The following TTC19 variants were observed in gnomAD, a reference collection of about 807,000 sequenced individuals.
TTC19 encodes the protein tetratricopeptide repeat domain 19.
A neutral mutation model predicts 49.5 loss-of-function variants in TTC19; 38 were observed. The observed-to-expected ratio is 0.77, with a 90% confidence interval of 0.59 to 1.01. The LOEUF (loss-of-function observed/expected upper bound fraction) is 1.01, where lower values mean the gene tolerates loss of function less well. Ranked by LOEUF, TTC19 falls within the 50% of genes least tolerant of loss-of-function variation. The pLI is 0.00. For missense variants in TTC19, 475 were observed against 477.7 expected, an observed-to-expected ratio of 0.99 and a Z score of 0.05; for synonymous variants, 204 against 185.2, an observed-to-expected ratio of 1.10 and a Z score of -0.83.
chr17:16,012,059 G>T (rs1277388312), intron 7 of TTC19, among the ~76,000 whole-genome samples: 4 of 151,420 alleles, frequency 2.6e-5, no homozygotes, highest in Non-Finnish European at 5.9e-5. Context: ...GTGCTAAGAG[G>T]TTTATTTTTT....
intron 2 of TTC19, chr17:16,000,479 C>G (rs1970690701): frequency 6.5e-6 from 8 of 1,238,946 alleles, no homozygotes; most frequent in Non-Finnish European, 7.4e-6. Context: ...ATGGAGATGG[C>G]GCCCTAGGCA....
chr17:16,042,644 C>T (rs1055463075), intron 2 of TTC19, among the ~76,000 whole-genome samples: 5 of 152,198 alleles, frequency 3.3e-5, no homozygotes, highest in African/African-American at 1.2e-4. Context: ...GGAAGGTAGA[C>T]ATGTGAAAGC....
intron 2 of TTC19, among the ~76,000 whole-genome samples, chr17:16,042,012 G>C (rs936650071): frequency 6.6e-6 from 1 of 152,174 alleles, no homozygotes; most frequent in African/African-American, 2.4e-5. Context: ...GGGATTACAG[G>C]TGTGAGCCAC....
intron 7 of TTC19, 134 bp downstream of exon 7, chr17:16,006,702 G>T: frequency 1.6e-6 from 1 of 637,102 alleles, no homozygotes; most frequent in Non-Finnish European, 2.8e-6. Flanking sequence ...CTGTCTTTAA[G>T]GTATCAGCAG....
chr17:16,004,370 G>A (rs1970830865), intron 6 of TTC19, 108 bp downstream of exon 6: 2 of 1,063,594 alleles, frequency 1.9e-6, no homozygotes, highest in Admixed American at 1.8e-5. Context: ...GAAATTGGGT[G>A]TCACACTCAA....
At chr17:16,002,683 T>TA in intron 3 of TTC19, 110 bp from the exon 4 acceptor site, 1 of 999,058 alleles carries the variant, frequency 1.0e-6, no homozygotes, top group Non-Finnish European at 1.6e-6. Context: ...CTTTTCATTT[T>TA]CAACTATTTT....
intron 7 of TTC19, among the ~76,000 whole-genome samples, chr17:16,011,404 C>G (rs1971064773): frequency 6.6e-6 from 1 of 152,094 alleles, no homozygotes; most frequent in Non-Finnish European, 1.5e-5. Flanking sequence ...GGTCTCCTGA[C>G]TTAGGTGATC....
chr17:16,041,021 A>G (rs903803823), intron 2 of TTC19: 5 of 154,546 alleles, frequency 3.2e-5, no homozygotes, highest in African/African-American at 7.2e-5. Context: ...GGACTCTGGG[A>G]TGACCGCCAC....
At chr17:16,002,754 G>A (rs1970780623) in intron 3 of TTC19, 39 bp from the exon 4 acceptor site, 1 of 1,593,414 alleles carries the variant, frequency 6.3e-7, no homozygotes, top group African/African-American at 1.3e-5. Flanking sequence ...TAGGAACACA[G>A]TATTCTAAAC....
chr17:16,010,926 G>A (rs970073188), intron 7 of TTC19, among the ~76,000 whole-genome samples: 12 of 152,328 alleles, frequency 7.9e-5, no homozygotes, highest in African/African-American at 2.4e-4. Flanking sequence ...TACATTATGA[G>A]TGTATGAATA....
intron 2 of TTC19, among the ~76,000 whole-genome samples, chr17:16,035,847 T>C (rs968657095): frequency 3.9e-5 from 6 of 152,108 alleles, no homozygotes; most frequent in African/African-American, 1.4e-4. Flanking sequence ...CGGCCTCTCT[T>C]GCTATTTCTC....
At chr17:16,019,642 T>TGG (rs1434280573) in intron 7 of TTC19, among the ~76,000 whole-genome samples, 1 of 152,218 alleles carries the variant, frequency 6.6e-6, no homozygotes, top group East Asian at 1.9e-4. Flanking sequence ...TGGCCCTGTG[T>TGG]GGTTCCCTCA....
chr17:16,044,818 T>A, exon 3 of TTC19: 1 of 1,088,812 alleles, frequency 9.2e-7, no homozygotes. Context: ...TAGGGGCTGG[T>A]GGACCTGCTC....
chr17:16,026,919 C>G, intron 9 of TTC19: 1 of 617,422 alleles, frequency 1.6e-6, no homozygotes, highest in East Asian at 2.9e-5. Flanking sequence ...GCCTGTCGAA[C>G]CCCATCAAGC....
rs1261869308 is a variant in TTC19 at position 16,000,179 on chromosome 17, G to A, written c.246G>A (p.Gly82=). The change falls in exon 2 of 10, where the codon GGG becomes GGA. Residue 82 remains glycine (G), a synonymous_variant. Coordinates refer to ENST00000261647, the MANE Select transcript of TTC19 (RefSeq NM_017775.4). ...AEEEEQQGAD[G]AAAEDGADEA... ...AGGAGGAGCAGCAGGGAGCCGACGG[G>A]GCCGCTGCCGAGGACGGGGCGGACG... is the stretch of plus-strand genomic sequence containing the variant. 6.3e-7 allele frequency: 1 copy of A among 1,592,830 alleles called. No individual in the cohort carries two copies. The highest frequency in any genetic ancestry group is 2.2e-5 in the East Asian group (1 of 44,776).
At chr17:16,017,433 A>G (rs1971247069) in intron 7 of TTC19, among the ~76,000 whole-genome samples, 1 of 115,850 alleles carries the variant, frequency 8.6e-6, no homozygotes. Flanking sequence ...TGGGCGACAG[A>G]GTGAGACTCC....
chr17:16,039,555 T>C lies in TTC19; in HGVS notation c.248-4948T>C. The C allele has an allele frequency of 2.5e-6, 4 of 1,614,118 alleles. No homozygotes were observed. The highest frequency in any genetic ancestry group is 3.4e-6 in the Non-Finnish European group (4 of 1,180,016). Reference sequence around the variant, plus strand: ...CATGACAACTCCATGATCCTCAACTTTGTCATCAAAGCTTCCCATGAGAGC... The same window carrying C: ...CATGACAACTCCATGATCCTCAACTCTGTCATCAAAGCTTCCCATGAGAGC... On this transcript the variant is annotated intron_variant, in intron 2 of 2. Coordinates refer to the TTC19 transcript ENST00000470649.
chr17:16,009,931 C>T (rs984036830), intron 7 of TTC19, among the ~76,000 whole-genome samples: 1 of 151,986 alleles, frequency 6.6e-6, no homozygotes, highest in South Asian at 2.1e-4. Flanking sequence ...TGATAGATAT[C>T]AAAATACAGG....
At chr17:16,000,462 A>C in intron 2 of TTC19, 1 of 1,366,364 alleles carries the variant, frequency 7.3e-7, no homozygotes, top group South Asian at 1.5e-5. Context: ...TGCAGTGTCA[A>C]GTGCAAATGG....
Sources: gnomAD v4.1 joint callset for allele counts (sites outside exome capture counted in the v4.1 genomes callset) on GRCh38, gnomAD v4.1.1 for gene constraint, MANE v1.5 for transcripts, NCBI Gene and HGNC (gene_info 2026-07-23, HGNC 2026-07-21) for gene names.